GALNTL6: variants seen among roughly 807,000 people sequenced by gnomAD.
The protein encoded by GALNTL6 is polypeptide N-acetylgalactosaminyltransferase-like 6.
Under a neutral mutation model 73.7 loss-of-function variants are expected in GALNTL6, and 46 were observed. That is an observed-to-expected ratio of 0.62 (90% CI 0.49 to 0.80). The LOEUF (loss-of-function observed/expected upper bound fraction) is 0.80, where lower values mean the gene tolerates loss of function less well. Among genes scored for constraint, GALNTL6 ranks in the 30% least tolerant of loss-of-function variants. The pLI is 0.00. For synonymous variants in GALNTL6, 259 were observed against 263.7 expected (o/e 0.98, Z 0.17); for missense variants, 604 against 755.0 (o/e 0.80, Z 2.34).
rs1745834094 is a variant in GALNTL6 at position 172,888,177 on chromosome 4, AG to A, written c.1041+5271del. Among the ~76,000 whole-genome samples the A allele has an allele frequency of 2.0e-5, 3 of 152,200 alleles. No individual in the cohort carries two copies. In the South Asian group the frequency reaches 6.2e-4, roughly 32 times the overall value. ...TTGATAGTTTCTTTTGCTGTGAAGAAGCTCTTAAGTTTAATAGGCCCCACTT... is the reference window on the plus strand; with the variant it reads ...TTGATAGTTTCTTTTGCTGTGAAGAACTCTTAAGTTTAATAGGCCCCACTT... On this transcript the variant is annotated intron_variant, in intron 8 of 12. Transcript: ENST00000506823.
At chr4:172,183,399 G>A (rs1363116653) in intron 2 of GALNTL6, among the ~76,000 whole-genome samples, 3 of 152,142 alleles carry the variant, frequency 2.0e-5, no homozygotes, top group African/African-American at 7.2e-5. Context: ...TGTCAGAATC[G>A]ATCTATGAAG....
At chr4:172,573,553 A>C (rs1396783581) in intron 5 of GALNTL6, among the ~76,000 whole-genome samples, 1 of 152,188 alleles carries the variant, frequency 6.6e-6, no homozygotes, top group Non-Finnish European at 1.5e-5. Context: ...ATTATAATAA[A>C]AAAAATAAGT....
chr4:171,905,527 C>A (rs1737248158), intron 2 of GALNTL6, among the ~76,000 whole-genome samples: 1 of 150,166 alleles, frequency 6.7e-6, no homozygotes. Context: ...GACTTAGACT[C>A]CCACACATTA....
At chr4:172,842,974 T>C (rs1743296873) in intron 7 of GALNTL6, among the ~76,000 whole-genome samples, 1 of 152,064 alleles carries the variant, frequency 6.6e-6, no homozygotes, top group Non-Finnish European at 1.5e-5. Flanking sequence ...TGCTCCTTGA[T>C]GGGGGAAATG....
intron 5 of GALNTL6, among the ~76,000 whole-genome samples, chr4:172,754,526 C>T (rs1405624234): frequency 2.0e-5 from 3 of 151,966 alleles, no homozygotes; most frequent in Non-Finnish European, 4.4e-5. Flanking sequence ...GAGCCGAGAT[C>T]GCACCATTGC....
chr4:172,793,008 A>G (rs1033300690), intron 5 of GALNTL6, among the ~76,000 whole-genome samples: 1 of 152,152 alleles, frequency 6.6e-6, no homozygotes, highest in African/African-American at 2.4e-5. Context: ...CCCTATTTGG[A>G]GACATTATCG....
intron 12 of GALNTL6, among the ~76,000 whole-genome samples, chr4:173,035,434 T>C (rs139004029): frequency 1.3e-5 from 2 of 152,202 alleles, no homozygotes; most frequent in African/African-American, 4.8e-5. Context: ...CGCCTTGGCC[T>C]CCCAAAGTGC....
chr4:171,934,528 G>A (rs1050823427), intron 2 of GALNTL6, among the ~76,000 whole-genome samples: 11 of 151,974 alleles, frequency 7.2e-5, no homozygotes, highest in African/African-American at 1.9e-4. Context: ...ATTCTCTCAC[G>A]TCAGCCTCCC....
At chr4:172,344,682 C>T (rs965162906) in intron 4 of GALNTL6, among the ~76,000 whole-genome samples, 2 of 152,286 alleles carry the variant, frequency 1.3e-5, no homozygotes, top group East Asian at 3.9e-4. Flanking sequence ...GATCTGTTCT[C>T]AATGTACAGA....
chr4:172,444,748 C>A (rs924512504), intron 5 of GALNTL6, among the ~76,000 whole-genome samples: 4 of 152,000 alleles, frequency 2.6e-5, no homozygotes, highest in African/African-American at 9.7e-5. Flanking sequence ...AGAAATTAGG[C>A]AGCAAAATAC....
intron 5 of GALNTL6, among the ~76,000 whole-genome samples, chr4:172,700,780 A>C (rs1733982141): frequency 6.6e-6 from 1 of 152,204 alleles, no homozygotes; most frequent in Admixed American, 6.5e-5. Context: ...AAAGGCATAC[A>C]AAACAAATAA....
At chr4:172,558,720 T>G (rs1176162994) in intron 5 of GALNTL6, among the ~76,000 whole-genome samples, 2 of 152,160 alleles carry the variant, frequency 1.3e-5, no homozygotes, top group Admixed American at 1.3e-4. Flanking sequence ...TCAAAACTTA[T>G]CAAGCTCCAT....
chr4:172,592,874 C>T (rs973692790), intron 5 of GALNTL6, among the ~76,000 whole-genome samples: 6 of 152,054 alleles, frequency 3.9e-5, no homozygotes, highest in Non-Finnish European at 5.9e-5. Flanking sequence ...GGCTAATTTC[C>T]TATGCATTTC....
chr4:171,910,114 A>G (rs115625676), intron 2 of GALNTL6, among the ~76,000 whole-genome samples: 1,706 of 152,256 alleles, frequency 0.011, 34 homozygotes, highest in African/African-American at 0.039. Flanking sequence ...ACACTTAGCT[A>G]GCATAAAGCT....
chr4:172,168,053 T>C (rs1032478845), intron 2 of GALNTL6, among the ~76,000 whole-genome samples: 5 of 152,192 alleles, frequency 3.3e-5, no homozygotes, highest in Non-Finnish European at 7.3e-5. Flanking sequence ...TACCTCCTTA[T>C]ACTTTCTGAA....
At chr4:172,302,305 C>T (rs542577444) in intron 3 of GALNTL6, among the ~76,000 whole-genome samples, 2 of 152,228 alleles carry the variant, frequency 1.3e-5, no homozygotes, top group South Asian at 2.1e-4. Flanking sequence ...TTCCCTGACC[C>T]CTTGAATTTC....
chr4:172,680,712 A>G lies in GALNTL6; in HGVS notation c.554-128649A>G, dbSNP rs149475592. On this transcript the variant is annotated intron_variant, in intron 5 of 12. Transcript: ENST00000506823. ...TTCCTGACAGAAGAGCACTTCTGAG[A>G]CCTCAAACTTTATTATATAAGCCCT... Among the ~76,000 whole-genome samples, 1,218 of 152,270 alleles carry G rather than the reference A, an allele frequency of 8.0e-3. 10 individuals carry two copies. The highest frequency in any genetic ancestry group is 0.031 in the Middle Eastern group (9 of 294).
intron 2 of GALNTL6, among the ~76,000 whole-genome samples, chr4:172,199,273 G>A (rs540246035): frequency 3.9e-5 from 6 of 152,032 alleles, no homozygotes; most frequent in Admixed American, 2.6e-4. Context: ...TAGGATTTTT[G>A]TGGAATTTTT....
chr4:172,229,603 C>A, intron 2 of GALNTL6, 53 bp from the exon 3 acceptor site: 1 of 1,068,524 alleles, frequency 9.4e-7, no homozygotes, highest in Non-Finnish European at 1.4e-6. Flanking sequence ...GTTTACCTAC[C>A]ATGCAAAAGG....
Sources: gnomAD v4.1 joint callset for allele counts (sites outside exome capture counted in the v4.1 genomes callset) on GRCh38, gnomAD v4.1.1 for gene constraint, MANE v1.5 for transcripts, NCBI Gene and HGNC (gene_info 2026-07-23, HGNC 2026-07-21) for gene names.